TUSC3: variants seen among roughly 807,000 people sequenced by gnomAD.
TUSC3 encodes the protein dolichyl-diphosphooligosaccharide--protein glycosyltransferase subunit TUSC3.
In TUSC3, 45 loss-of-function variants were observed where a neutral mutation model predicts 44.8. The observed-to-expected ratio is 1.00, with a 90% CI of 0.79 to 1.29. The LOEUF is 1.29. Ranked by LOEUF, TUSC3 falls within the 50% of genes most tolerant of loss-of-function variation. The pLI, the probability that TUSC3 is intolerant of heterozygous loss-of-function variation, is 0.00. For missense variants in TUSC3, 519 were observed against 437.9 expected (o/e 1.19, Z -1.65); for synonymous variants, 212 against 152.9 (o/e 1.39, Z -2.85).
intron 1 of TUSC3, among the ~76,000 whole-genome samples, chr8:15,596,461 T>C (rs990412772): frequency 1.3e-5 from 2 of 152,144 alleles, no homozygotes; most frequent in African/African-American, 4.8e-5. Flanking sequence ...CAACTTTTCT[T>C]ATATGCATGT....
chr8:15,426,419 A>G, intron 1 of TUSC3, among the ~76,000 whole-genome samples: 1 of 152,108 alleles, frequency 6.6e-6, no homozygotes, highest in Non-Finnish European at 1.5e-5. Flanking sequence ...AAATCCCATT[A>G]TTGTATTCTT....
At chr8:15,792,490 CATA>C in the TUSC3 span, among the ~76,000 whole-genome samples, 1 of 152,164 alleles carries the variant, frequency 6.6e-6, no homozygotes, top group Non-Finnish European at 1.5e-5. Flanking sequence ...AACACACAGC[CATA>C]ATGAGAAGTC....
chr8:15,762,833 AGT>A (rs1347939203), intron 10 of TUSC3, among the ~76,000 whole-genome samples: 1 of 152,066 alleles, frequency 6.6e-6, no homozygotes, highest in Non-Finnish European at 1.5e-5. Context: ...CTTTACCAGC[AGT>A]GTTTTTAAGG....
chr8:15,710,781 G>A (rs1211162211), intron 6 of TUSC3, among the ~76,000 whole-genome samples: 5 of 148,628 alleles, frequency 3.4e-5, no homozygotes, highest in Non-Finnish European at 5.9e-5. Flanking sequence ...TGCATGAAGT[G>A]AATATATATA....
intron 6 of TUSC3, among the ~76,000 whole-genome samples, chr8:15,682,632 G>T (rs1011167405): frequency 1.3e-5 from 2 of 152,068 alleles, no homozygotes; most frequent in African/African-American, 4.8e-5. Flanking sequence ...GGAGCATTTA[G>T]ACTGTTTACA....
At chr8:15,450,663 CGGTCT>C (rs1800186357) in intron 1 of TUSC3, among the ~76,000 whole-genome samples, 5 of 151,986 alleles carry the variant, frequency 3.3e-5, no homozygotes, top group Non-Finnish European at 7.4e-5. Flanking sequence ...GAGTGAGACT[CGGTCT>C]CAAAAATAAA....
intron 2 of TUSC3, among the ~76,000 whole-genome samples, chr8:15,515,821 C>G (rs1012411292): frequency 1.3e-5 from 2 of 152,010 alleles, no homozygotes; most frequent in African/African-American, 2.4e-5. Flanking sequence ...TCTCTCGCCA[C>G]CACACCCGGC....
At chr8:15,510,714 G>C (rs1033740477) in intron 2 of TUSC3, among the ~76,000 whole-genome samples, 2 of 151,934 alleles carry the variant, frequency 1.3e-5, no homozygotes, top group African/African-American at 4.8e-5. Flanking sequence ...TAAGAGCGGG[G>C]AATGCTTTCT....
At position 15,423,967 on chromosome 8, in the gene TUSC3, T is replaced by TTGTTTTTGTTTTTG. The variant is rs1386330456; in HGVS notation, n.91+6669_91+6670insGTTTTTGTGTTTTT. ...CTTACAGCATTCATACTGTTTTGCT[T>TTGTTTTTGTTTTTG]TGTTTTTTTTTTTTTTTTTTTTTTT... On this transcript the variant is annotated intron_variant and non_coding_transcript_variant, in intron 1 of 5. Coordinates refer to the TUSC3 transcript ENST00000503191. 3.1e-5 allele frequency among the ~76,000 whole-genome samples: 2 copies of TTGTTTTTGTTTTTG among 63,836 alleles called. 1 individual carries two copies. 41.9% of individuals were successfully genotyped at this position (63,836 alleles called of 152,430 possible). A position where few individuals can be genotyped will look rare whatever the true frequency, so the allele number is the denominator to read the frequency against.
chr8:15,675,599 C>T (rs1274924421), intron 6 of TUSC3, among the ~76,000 whole-genome samples: 1 of 151,998 alleles, frequency 6.6e-6, no homozygotes, highest in Non-Finnish European at 1.5e-5. Context: ...CAGCCCCTTC[C>T]TCCTCTACCC....
chr8:15,831,504 T>C, the TUSC3 span, among the ~76,000 whole-genome samples: 1 of 152,002 alleles, frequency 6.6e-6, no homozygotes, highest in African/African-American at 2.4e-5. Flanking sequence ...AAAAAGATCG[T>C]TGAGATGCAG....
At chr8:15,627,271 C>T (rs565442941) in intron 2 of TUSC3, among the ~76,000 whole-genome samples, 2 of 152,300 alleles carry the variant, frequency 1.3e-5, no homozygotes, top group Non-Finnish European at 2.9e-5. Flanking sequence ...ATAGGACAGC[C>T]TGCCTGGCAG....
chr8:15,473,433 G>T (rs920778500), intron 1 of TUSC3, among the ~76,000 whole-genome samples: 9 of 152,136 alleles, frequency 5.9e-5, no homozygotes, highest in Admixed American at 1.3e-4. Flanking sequence ...ATCTGAATTT[G>T]CTCTTCAACT....
In TUSC3 at chr8:15,430,600, T is replaced by G. The variant is rs532273036; in HGVS notation, n.91+13295T>G. Among the ~76,000 whole-genome samples, 32 of 151,512 alleles carry G rather than the reference T, an allele frequency of 2.1e-4. 1 individual carries two copies. Among genetic ancestry groups the G allele is most frequent in the African/African-American group, 7.6e-4 (31 of 40,904 alleles). On this transcript the variant is annotated intron_variant and non_coding_transcript_variant, in intron 1 of 5. Coordinates refer to the TUSC3 transcript ENST00000503191. ...GGGATGCCCTCTCTCACCACTCCTA[T>G]TCAACATAGTGTTGGAAGTTCTGGC...
At chr8:15,427,547 G>A (rs1799818919) in intron 1 of TUSC3, among the ~76,000 whole-genome samples, 1 of 152,188 alleles carries the variant, frequency 6.6e-6, no homozygotes, top group African/African-American at 2.4e-5. Flanking sequence ...GACAGGTCAA[G>A]CCACGCACTT....
chr8:15,642,960 A>G (rs780131225), intron 2 of TUSC3, among the ~76,000 whole-genome samples: 3 of 152,224 alleles, frequency 2.0e-5, no homozygotes, highest in Non-Finnish European at 4.4e-5. Context: ...CATATGTAGT[A>G]GGTAAATGAT....
At chr8:15,563,266 C>G (rs545775923) in intron 1 of TUSC3, among the ~76,000 whole-genome samples, 4 of 151,900 alleles carry the variant, frequency 2.6e-5, no homozygotes, top group Admixed American at 2.6e-4. Context: ...GATGCAGGAC[C>G]ACTAGAAGGT....
At chr8:15,737,173 A>G (rs1456392369) in intron 7 of TUSC3, among the ~76,000 whole-genome samples, 1 of 152,130 alleles carries the variant, frequency 6.6e-6, no homozygotes, top group Non-Finnish European at 1.5e-5. Context: ...GGAGAAACAT[A>G]CTATAGAAAA....
intron 2 of TUSC3, among the ~76,000 whole-genome samples, chr8:15,646,448 A>G (rs1806635638): frequency 6.6e-6 from 1 of 152,154 alleles, no homozygotes; most frequent in African/African-American, 2.4e-5. Context: ...GGGACATTAA[A>G]TCTGAAAAAG....
Sources: gnomAD v4.1 joint callset for allele counts (sites outside exome capture counted in the v4.1 genomes callset) on GRCh38, gnomAD v4.1.1 for gene constraint, MANE v1.5 for transcripts, NCBI Gene and HGNC (gene_info 2026-07-23, HGNC 2026-07-21) for gene names.